Variants in NSL1 observed in about 807,000 individuals in gnomAD.
The protein encoded by NSL1 is NSL1 component of MIS12 kinetochore complex.
NSL1 carries 11 observed loss-of-function variants against 25.4 expected under a neutral mutation model. The ratio of observed to expected loss-of-function variants is 0.43; its 90% CI spans 0.27 to 0.72. The LOEUF is 0.72. NSL1 is among the 30% of genes least tolerant of loss of function. The pLI is 0.19. For synonymous variants in NSL1, 118 were observed against 120.6 expected, an observed-to-expected ratio of 0.98 and a Z score of 0.14; for missense variants, 330 against 342.7, an observed-to-expected ratio of 0.96 and a Z score of 0.29.
intron 4 of NSL1, among the ~76,000 whole-genome samples, chr1:212,776,194 T>C (rs908779186): frequency 1.1e-4 from 16 of 152,156 alleles, no homozygotes; most frequent in South Asian, 8.3e-4. Flanking sequence ...TGAATCCCTG[T>C]ATCTACTTAA....
chr1:212,781,242 G>C, intron 4 of NSL1, among the ~76,000 whole-genome samples: 1 of 152,098 alleles, frequency 6.6e-6, no homozygotes, highest in East Asian at 1.9e-4. Context: ...ATTTCAAAGG[G>C]TCATTAACTA....
intron 4 of NSL1, among the ~76,000 whole-genome samples, chr1:212,751,092 T>C (rs1659048581): frequency 6.6e-6 from 1 of 152,088 alleles, no homozygotes; most frequent in South Asian, 2.1e-4. Flanking sequence ...GTCATAAAAA[T>C]ACAAATATGA....
rs368815482 is a variant in NSL1 at position 212,738,391 on chromosome 1, A to G, written c.*17T>C. Reference sequence around the variant, plus strand: ...TGATGGTGCCTATTTTCAACTCCCAAAATAAACAGAAAGAGCTCATGTATC... The same window carrying G: ...TGATGGTGCCTATTTTCAACTCCCAGAATAAACAGAAAGAGCTCATGTATC... On this transcript the variant is annotated 3_prime_UTR_variant, in exon 6 of 6. Transcript: ENST00000366977. 62 of 1,592,540 alleles carry G rather than the reference A, an allele frequency of 3.9e-5. No individual in the cohort carries two copies. Among genetic ancestry groups the G allele is most frequent in the Admixed American group, 2.1e-4 (12 of 56,014 alleles).
In NSL1 at chr1:212,729,164, C is replaced by A; in HGVS notation, c.*9244G>T. On this transcript the variant is annotated 3_prime_UTR_variant, in exon 6 of 6. Coordinates refer to ENST00000366977, the MANE Select transcript of NSL1 (RefSeq NM_015471.4). ...TAAAACCAGACAAAATCATTTCTTG[C>A]AAGCAGGTAATTCCACAGAAGTTTC... is the stretch of plus-strand genomic sequence containing the variant. 1.0e-6 allele frequency: 1 copy of A among 985,440 alleles called. No homozygotes were observed. Among genetic ancestry groups the A allele is most frequent in the South Asian group, 4.7e-5 (1 of 21,288 alleles). The allele number at this position is 985,440 out of a possible 1,614,324, so 61.0% of individuals were successfully genotyped here.
At chr1:212,780,383 C>T (rs1660674801) in intron 4 of NSL1, among the ~76,000 whole-genome samples, 1 of 151,068 alleles carries the variant, frequency 6.6e-6, no homozygotes, top group Non-Finnish European at 1.5e-5. Context: ...CCGCAGGGTC[C>T]TCTGCCTAGG....
chr1:212,777,282 C>A (rs1660417277), intron 4 of NSL1, among the ~76,000 whole-genome samples: 1 of 151,830 alleles, frequency 6.6e-6, no homozygotes, highest in South Asian at 2.1e-4. Context: ...GAGGTTGAGG[C>A]TGGAAGATCA....
intron 4 of NSL1, among the ~76,000 whole-genome samples, chr1:212,765,021 C>T (rs1304905667): frequency 6.6e-6 from 1 of 151,762 alleles, no homozygotes; most frequent in African/African-American, 2.4e-5. Context: ...TATAACCCTT[C>T]TAGATTAAAT....
At chr1:212,775,938 C>CTGCCTCAGCCTCCCAAGTAGCTGGGACT (rs1283524606) in intron 4 of NSL1, among the ~76,000 whole-genome samples, 3 of 151,944 alleles carry the variant, frequency 2.0e-5, no homozygotes, top group Non-Finnish European at 4.4e-5. Context: ...CGCCATTCTT[C>CTGCCTCAGCCTCCCAAGTAGCTGGGACT]TGCCTCAGCC....
Position 212,728,001 on chromosome 1 carries a change from CAG to C in NSL1, c.*10405_*10406del. 1.0e-6 allele frequency: 1 copy of C among 985,390 alleles called. No homozygotes were observed. Among genetic ancestry groups the C allele is most frequent in the Non-Finnish European group, 1.2e-6 (1 of 829,932 alleles). The allele number at this position is 985,390 out of a possible 1,614,324, so 61.0% of individuals were successfully genotyped here. On this transcript the variant is annotated 3_prime_UTR_variant, in exon 6 of 6. Transcript: ENST00000366977. The stretch of plus-strand genomic sequence containing the variant: ...GTGAACCACGGGGAGAAGGTGGAAG[CAG>C]AGTTTGTGGTCAGAAGGCCTCGCTC...
At chr1:212,779,341 AG>A (rs1380409453) in intron 4 of NSL1, among the ~76,000 whole-genome samples, 2 of 134,898 alleles carry the variant, frequency 1.5e-5, no homozygotes, top group African/African-American at 5.6e-5. Flanking sequence ...TGGGGGGGTC[AG>A]CCCCCCTCCC....
rs1288033929 is a variant in NSL1 at position 212,727,560 on chromosome 1, A to ATAC, written c.*10845_*10847dup. On this transcript the variant is annotated 3_prime_UTR_variant, in exon 6 of 6. Transcript: ENST00000366977. The stretch of plus-strand genomic sequence containing the variant: ...GGACAATGAATTAGACGTGTGCCAC[A>ATAC]TACTTCTCTCAAAAACTTTATGACT... The ATAC allele has an allele frequency of 1.0e-6, 1 of 985,320 alleles. No individual in the cohort carries two copies. Among genetic ancestry groups the ATAC allele is most frequent in the Admixed American group, 6.2e-5 (1 of 16,258 alleles). 61.0% of individuals were successfully genotyped at this position (985,320 alleles called of 1,614,324 possible). A position where few individuals can be genotyped will look rare whatever the true frequency, so the allele number is the denominator to read the frequency against.
At chr1:212,789,791 C>CT (rs1242825928) in intron 1 of NSL1, among the ~76,000 whole-genome samples, 2 of 152,304 alleles carry the variant, frequency 1.3e-5, no homozygotes, top group African/African-American at 4.8e-5. Flanking sequence ...CCAAGTTCCT[C>CT]TTTTTCTGTA....
Position 212,732,023 on chromosome 1 carries a change from T to C in NSL1, c.*6385A>G, listed in dbSNP as rs1658036248. ...ATCCTTTAGCCTCCCAGTGTAACTG[T>C]CCCAATTTTTTTTTTTTTTTTTTAC... is the stretch of plus-strand genomic sequence containing the variant. On this transcript the variant is annotated 3_prime_UTR_variant, in exon 6 of 6. Coordinates refer to ENST00000366977, the MANE Select transcript of NSL1 (RefSeq NM_015471.4). The C allele has an allele frequency of 4.2e-6, 4 of 948,154 alleles. No individual in the cohort carries two copies. In the South Asian group the frequency reaches 2.0e-4, roughly 48 times the overall value. The allele number at this position is 948,154 out of a possible 1,614,324, so 58.7% of individuals were successfully genotyped here.
At chr1:212,750,082 T>C (rs1388123420) in intron 4 of NSL1, among the ~76,000 whole-genome samples, 4 of 151,662 alleles carry the variant, frequency 2.6e-5, no homozygotes, top group Non-Finnish European at 4.4e-5. Context: ...CAGAACTCCC[T>C]TGGGAACAGG....
chr1:212,781,268 C>T (rs184129510), intron 4 of NSL1, among the ~76,000 whole-genome samples: 5 of 152,222 alleles, frequency 3.3e-5, no homozygotes, highest in South Asian at 4.2e-4. Flanking sequence ...GTTTTCCCTA[C>T]GATAAAACGG....
chr1:212,760,670 A>C lies in NSL1; in HGVS notation c.500-21069T>G, dbSNP rs1046051156. Among the ~76,000 whole-genome samples the C allele has an allele frequency of 3.9e-5, 6 of 151,926 alleles. No individual in the cohort carries two copies. The highest frequency in any genetic ancestry group is 1.5e-4 in the African/African-American group (6 of 41,324). On this transcript the variant is annotated intron_variant, in intron 4 of 5. Coordinates refer to ENST00000366977, the MANE Select transcript of NSL1 (RefSeq NM_015471.4). This position sits in a 1 kb window ranked among gnomAD's most constrained non-coding sequence, Gnocchi z 4.3. ...CTGGGGGCCTGACGGTTGACCCGCC[A>C]CTGCTACTGCCATCACCAACACCAC...
chr1:212,745,274 G>C (rs781489564), intron 4 of NSL1, among the ~76,000 whole-genome samples: 3 of 150,758 alleles, frequency 2.0e-5, no homozygotes, highest in Non-Finnish European at 2.9e-5. Context: ...AATATCTTAA[G>C]AGATAATGGC....
chr1:212,730,760 G>C lies in NSL1; in HGVS notation c.*7648C>G, dbSNP rs1027558890. 2.0e-6 allele frequency: 2 copies of C among 985,294 alleles called. No individual in the cohort carries two copies. The highest frequency in any genetic ancestry group is 2.4e-6 in the Non-Finnish European group (2 of 829,930). 61.0% of individuals were successfully genotyped at this position (985,294 alleles called of 1,614,324 possible). On this transcript the variant is annotated 3_prime_UTR_variant, in exon 6 of 6. Transcript: ENST00000366977. ...AGTTCTAGTAGACGTAGTTCTAGTA[G>C]ACAGGAGACTCTGGAGTCCTAATTC...
Position 212,728,451 on chromosome 1 carries a change from T to C in NSL1, c.*9957A>G. ...CTTTACTCAATCTCTTCCTTTTCTT[T>C]GGGTAATCTTTTATCTTGAACTACC... is the stretch of plus-strand genomic sequence containing the variant. On this transcript the variant is annotated 3_prime_UTR_variant, in exon 6 of 6. Coordinates refer to ENST00000366977, the MANE Select transcript of NSL1 (RefSeq NM_015471.4). 1 of 985,438 alleles carries C rather than the reference T, an allele frequency of 1.0e-6. No homozygotes were observed. Among genetic ancestry groups the C allele is most frequent in the East Asian group, 1.1e-4 (1 of 8,824 alleles). The allele number at this position is 985,438 out of a possible 1,614,324, so 61.0% of individuals were successfully genotyped here. A position where few individuals can be genotyped will look rare whatever the true frequency, so the allele number is the denominator to read the frequency against.
Sources: allele counts gnomAD v4.1 joint callset (sites outside exome capture counted in the v4.1 genomes callset), GRCh38; gene constraint gnomAD v4.1.1; non-coding constraint Gnocchi (gnomAD v3.1); transcripts MANE v1.5; gene names NCBI Gene and HGNC (gene_info 2026-07-23, HGNC 2026-07-21).